Variants in PCNX4 observed in about 807,000 individuals in gnomAD.
PCNX4 encodes the protein pecanex-like protein 4.
PCNX4 carries 103 observed loss-of-function variants against 107.2 expected under a neutral mutation model. That is an observed-to-expected ratio of 0.96 (90% CI 0.82 to 1.13). The LOEUF is 1.13. Among genes scored for constraint, PCNX4 ranks in the 50% most tolerant of loss-of-function variants. The pLI, the probability that PCNX4 is intolerant of heterozygous loss-of-function variation, is 0.00. For synonymous variants in PCNX4, 541 were observed against 481.7 expected (o/e 1.12, Z -1.61); for missense variants, 1,528 against 1,379.4 (o/e 1.11, Z -1.71).
At chr14:60,125,845 A>G in intron 10 of PCNX4, 22 bp downstream of exon 10, 1 of 1,478,864 alleles carries the variant, frequency 6.8e-7, no homozygotes. Flanking sequence ...AAATTTTTAA[A>G]CTTACATATA....
intron 6 of PCNX4, among the ~76,000 whole-genome samples, chr14:60,116,482 G>C (rs1303228562): frequency 6.6e-6 from 1 of 152,200 alleles, no homozygotes; most frequent in Admixed American, 6.5e-5. Flanking sequence ...TTATTATGGA[G>C]ATGAAAAATT....
chr14:60,091,943 G>A lies in PCNX4; in HGVS notation c.-530G>A, dbSNP rs899605934. On this transcript the variant is annotated 5_prime_UTR_variant, in exon 1 of 11. Coordinates refer to ENST00000406854, the MANE Select transcript of PCNX4 (RefSeq NM_001330177.2). ...CTCTTGCGTAAAGGCCCGGCCCAAG[G>A]GAACGTTCAGGGCGTCTCGGCTTTC... is the stretch of plus-strand genomic sequence containing the variant. 4.6e-5 allele frequency: 7 copies of A among 152,388 alleles called. No individual in the cohort carries two copies. The highest frequency in any genetic ancestry group is 9.6e-5 in the African/African-American group (4 of 41,472). 9.4% of individuals were successfully genotyped at this position (152,388 alleles called of 1,614,324 possible).
In PCNX4 at chr14:60,114,129, C is replaced by T. The variant is rs567224202; in HGVS notation, c.690-571C>T. ...TGAGTTGCGCATTTCTGATATTAAC[C>T]GTTCTAATGTTAAATTCTGGGTCCT... On this transcript the variant is annotated intron_variant, in intron 2 of 10. Transcript: ENST00000406854. Among the ~76,000 whole-genome samples the T allele has an allele frequency of 1.7e-4, 26 of 152,222 alleles. No homozygotes were observed. In the South Asian group the frequency reaches 4.4e-3, roughly 25 times the overall value.
rs2140577612 is a variant in PCNX4, at chr14:60,141,222, A to C, written c.*7001A>C. 1 of 152,358 alleles carries C rather than the reference A, an allele frequency of 6.6e-6. No individual in the cohort carries two copies. Among genetic ancestry groups the C allele is most frequent in the Non-Finnish European group, 1.5e-5 (1 of 68,046 alleles). 9.4% of individuals were successfully genotyped at this position (152,358 alleles called of 1,614,324 possible). Reference sequence around the variant, plus strand: ...GGAAAGGTCTCAGCACAATAACCTAAGTTCCCACCACAAGAAACAAGAAAA... The same window carrying C: ...GGAAAGGTCTCAGCACAATAACCTACGTTCCCACCACAAGAAACAAGAAAA... On this transcript the variant is annotated 3_prime_UTR_variant, in exon 11 of 11. Transcript: ENST00000406854.
intron 7 of PCNX4, 75 bp downstream of exon 7, chr14:60,118,767 A>T: frequency 1.4e-6 from 2 of 1,428,728 alleles, no homozygotes; most frequent in Non-Finnish European, 1.8e-6. Flanking sequence ...ACAGGAAAAC[A>T]ATCTTTTTAT....
rs751142464 is a variant in PCNX4 at position 60,124,472 on chromosome 14, A to G, written c.2301A>G (p.Ile767Met). Residue 767 changes from isoleucine (I) to methionine (M), a missense_variant, in exon 9 of 11, where the codon ATA becomes ATG. By Grantham distance (10) the Ile-to-Met change is conservative (BLOSUM62 1). Transcript: ENST00000406854. Reference protein sequence around the residue: ...KGDLIKVLVWILVQYCSKRPG... With the variant: ...KGDLIKVLVWMLVQYCSKRPG... ...ACCTCATTAAAGTACTTGTGTGGAT[A>G]CTTGTTCAATACTGCTCCAAAAGGC... The G allele has an allele frequency of 6.2e-7, 1 of 1,613,786 alleles. No homozygotes were observed. The highest frequency in any genetic ancestry group is 8.5e-7 in the Non-Finnish European group (1 of 1,179,752).
At position 60,108,361 on chromosome 14, in the gene PCNX4, T is replaced by C. The variant is rs781016383; in HGVS notation, c.689+34T>C. ...CTACCAAATACTTTGTAACTAACTT[T>C]GTTTTTAAGTATACAGAGTAAGAGA... On this transcript the variant is annotated intron_variant, in intron 2 of 10. Transcript: ENST00000406854. The C allele has an allele frequency of 4.0e-6, 6 of 1,482,836 alleles. No homozygotes were observed. In the Admixed American group the frequency reaches 1.2e-4, roughly 30 times the overall value. The allele number at this position is 1,482,836 out of a possible 1,614,324, so 91.9% of individuals were successfully genotyped here.
At position 60,107,897 on chromosome 14, in the gene PCNX4, A is replaced by G. The variant is rs748887946; in HGVS notation, c.259A>G (p.Ile87Val). ...ATTAATGCTTTTTACTGCATTTGTCATCCAGTTCACAAGTTTATACGCCAA... is the reference window on the plus strand; with the variant it reads ...ATTAATGCTTTTTACTGCATTTGTCGTCCAGTTCACAAGTTTATACGCCAA... The part of the protein sequence containing the change: ...GGLMLFTAFV[I>V]QFTSLYAKNK... The change falls in exon 2 of 11, where the codon ATC becomes GTC. Residue 87 changes from isoleucine (I) to valine (V), a missense_variant. Ile to Val is a conservative substitution (Grantham distance 29). Transcript: ENST00000406854. 4 of 1,612,920 alleles carry G rather than the reference A, an allele frequency of 2.5e-6. No individual in the cohort carries two copies. In the South Asian group the frequency reaches 4.4e-5, roughly 18 times the overall value.
At position 60,145,077 on chromosome 14, in the gene PCNX4, T is replaced by C; in HGVS notation, c.*10856T>C. The C allele has an allele frequency of 8.5e-7, 1 of 1,170,930 alleles. No homozygotes were observed. The highest frequency in any genetic ancestry group is 2.6e-5 in the East Asian group (1 of 38,236). 72.5% of individuals were successfully genotyped at this position (1,170,930 alleles called of 1,614,324 possible). On this transcript the variant is annotated 3_prime_UTR_variant, in exon 11 of 11. Coordinates refer to ENST00000406854, the MANE Select transcript of PCNX4 (RefSeq NM_001330177.2). The surrounding 1 kb of genome is among the most constrained non-coding windows in gnomAD (Gnocchi z 4.0). ...CCTATTTACTCCAGTTTTTAACATTTAAGTCCTTCTGTTTTGAGGAGCTGT... is the reference window on the plus strand; with the variant it reads ...CCTATTTACTCCAGTTTTTAACATTCAAGTCCTTCTGTTTTGAGGAGCTGT...
chr14:60,104,692 AG>A lies in PCNX4; in HGVS notation c.-53-2890del, dbSNP rs1895597936. On this transcript the variant is annotated intron_variant, in intron 1 of 10. Transcript: ENST00000406854. ...CGAGAGAAAATCAGAACCGAGTGGA[AG>A]GGGTTTCCCCTTATAAAACCATCAG... Among the ~76,000 whole-genome samples the A allele has an allele frequency of 2.6e-5, 4 of 152,226 alleles. No homozygotes were observed. The South Asian group carries it at 8.3e-4, about 32-fold the overall frequency.
At chr14:60,132,731 A>T (rs192300669) in intron 10 of PCNX4, among the ~76,000 whole-genome samples, 170 of 149,142 alleles carry the variant, frequency 1.1e-3, no homozygotes, top group African/African-American at 1.7e-3. Context: ...TAGAATATAT[A>T]AAAAAAAAAC....
chr14:60,140,737 AAAT>A lies in PCNX4; in HGVS notation c.*6521_*6523del, dbSNP rs1191682166. 1 of 152,200 alleles carries A rather than the reference AAAT, an allele frequency of 6.6e-6. No individual in the cohort carries two copies. The highest frequency in any genetic ancestry group is 6.5e-5 in the Admixed American group (1 of 15,278). 9.4% of individuals were successfully genotyped at this position (152,200 alleles called of 1,614,324 possible). A position where few individuals can be genotyped will look rare whatever the true frequency, so the allele number is the denominator to read the frequency against. On this transcript the variant is annotated 3_prime_UTR_variant, in exon 11 of 11. Coordinates refer to ENST00000406854, the MANE Select transcript of PCNX4 (RefSeq NM_001330177.2). The surrounding 1 kb of genome is among the most constrained non-coding windows in gnomAD (Gnocchi z 4.2). ...ACACATTAACAGAATGAAAGGAGAA[AAAT>A]AATATTTCAGTAGATCCAGAAAAAG...
At chr14:60,093,373 A>G (rs1019328344) in intron 1 of PCNX4, among the ~76,000 whole-genome samples, 1 of 151,242 alleles carries the variant, frequency 6.6e-6, no homozygotes, top group East Asian at 1.9e-4. Context: ...TCCTTACCCC[A>G]CCAGCCATAA....
rs755128058 is a variant in PCNX4 at position 60,124,579 on chromosome 14, C to G, written c.2408C>G (p.Pro803Arg). 2.5e-6 allele frequency: 4 copies of G among 1,613,688 alleles called. No homozygotes were observed. Among genetic ancestry groups the G allele is most frequent in the Non-Finnish European group, 2.5e-6 (3 of 1,179,794 alleles). ...LMLPALNTLP[P>R]PKSPEDIDSL... ...TTGCCTGCTTTGAACACTTTGCCAC[C>G]TCCCAAATCCCCAGAAGACATAGAC... The change falls in exon 9 of 11, where the codon CCT becomes CGT. Residue 803 changes from proline (P) to arginine (R), a missense_variant. By Grantham distance (103) the Pro-to-Arg change is moderately radical (BLOSUM62 -2). Transcript: ENST00000406854.
At chr14:60,121,343 G>A (rs1895951582) in intron 8 of PCNX4, 44 bp downstream of exon 8, 2 of 1,582,032 alleles carry the variant, frequency 1.3e-6, no homozygotes, top group Non-Finnish European at 8.6e-7. Flanking sequence ...TATAGTTCAT[G>A]TGTAAAATTT....
rs1417319355 is a variant in PCNX4 at position 60,118,440 on chromosome 14, A to G, written c.1690A>G (p.Thr564Ala). 2 of 1,613,618 alleles carry G rather than the reference A, an allele frequency of 1.2e-6. No individual in the cohort carries two copies. Among genetic ancestry groups the G allele is most frequent in the African/African-American group, 1.3e-5 (1 of 74,932 alleles). ...EKKQRRKTTATLCILNIVFSP... is the reference protein window; with the variant it reads ...EKKQRRKTTAALCILNIVFSP... ...AAAACAACGTCGAAAAACAACTGCC[A>G]CTTTATGTATACTCAACATTGTCTT... The change falls in exon 7 of 11, where the codon ACT becomes GCT. Residue 564 changes from threonine (T) to alanine (A), a missense_variant. By Grantham distance (58) the Thr-to-Ala change is moderately conservative (BLOSUM62 0). Transcript: ENST00000406854.
In PCNX4 at chr14:60,145,124, G is replaced by C. The variant is rs1025719125; in HGVS notation, c.*10903G>C. The C allele has an allele frequency of 1.4e-6, 1 of 732,194 alleles. No homozygotes were observed. Among genetic ancestry groups the C allele is most frequent in the African/African-American group, 1.8e-5 (1 of 54,206 alleles). The allele number at this position is 732,194 out of a possible 1,614,324, so 45.4% of individuals were successfully genotyped here. A position where few individuals can be genotyped will look rare whatever the true frequency, so the allele number is the denominator to read the frequency against. On this transcript the variant is annotated 3_prime_UTR_variant, in exon 11 of 11. Transcript: ENST00000406854. The surrounding 1 kb of genome is among the most constrained non-coding windows in gnomAD (Gnocchi z 4.0). ...CTGTATCATTATGATTCACTATTAAGAATCTTTACAAAAGTTCAGAAACTG... is the reference window on the plus strand; with the variant it reads ...CTGTATCATTATGATTCACTATTAACAATCTTTACAAAAGTTCAGAAACTG...
In PCNX4 at chr14:60,118,389, G is replaced by C. The variant is rs574566736; in HGVS notation, c.1639G>C (p.Val547Leu). ...FISKLQFAVT[V>L]LLTSWTEKKQ... ...CTCTAAATTGCAGTTTGCCGTGACT[G>C]TGCTTTTGACATCATGGACAGAGAA... The change falls in exon 7 of 11, where the codon GTG (valine) becomes CTG (leucine). Residue 547 changes from valine (V) to leucine (L), a missense_variant. By Grantham distance (32) the Val-to-Leu change is conservative. Transcript: ENST00000406854. The C allele has an allele frequency of 6.2e-7, 1 of 1,613,254 alleles. No individual in the cohort carries two copies. The highest frequency in any genetic ancestry group is 1.1e-5 in the South Asian group (1 of 91,014).
intron 2 of PCNX4, 200 bp downstream of exon 2, chr14:60,108,527 G>C (rs1191429034): frequency 5.1e-6 from 2 of 395,894 alleles, no homozygotes; most frequent in South Asian, 1.1e-4. Context: ...ACTTATTAAA[G>C]AGTTTTTTTA....
Sources: gnomAD v4.1 joint callset for allele counts (sites outside exome capture counted in the v4.1 genomes callset) on GRCh38, gnomAD v4.1.1 for gene constraint, Gnocchi (gnomAD v3.1) non-coding constraint, MANE v1.5 for transcripts, NCBI Gene and HGNC (gene_info 2026-07-23, HGNC 2026-07-21) for gene names.